Variants in LUZP2 observed in about 807,000 individuals in gnomAD.
The protein encoded by LUZP2 is leucine zipper protein 2.
In LUZP2, 52 loss-of-function variants were observed where a neutral mutation model predicts 51.6. The observed-to-expected ratio is 1.01, with a 90% CI of 0.81 to 1.27. The LOEUF is 1.27. LUZP2 is among the 50% of genes most tolerant of loss of function. The probability of loss-of-function intolerance (pLI) is 0.00; values close to 1 mark genes in which losing one functional copy is unlikely to be tolerated. For missense variants in LUZP2, 436 were observed against 395.4 expected (o/e 1.10, Z -0.87); for synonymous variants, 154 against 137.3 (o/e 1.12, Z -0.85).
At chr11:24,796,497 G>GTT (rs1273428776) in intron 5 of LUZP2, among the ~76,000 whole-genome samples, 3 of 105,204 alleles carry the variant, frequency 2.9e-5, no homozygotes, top group Non-Finnish European at 5.1e-5. Context: ...TAATCTGTGT[G>GTT]TGTGTGTGTG....
chr11:24,821,299 C>A (rs1324955141), intron 5 of LUZP2, among the ~76,000 whole-genome samples: 3 of 152,082 alleles, frequency 2.0e-5, no homozygotes, highest in Non-Finnish European at 4.4e-5. Context: ...GTGCCTAGAA[C>A]ACAGTGCATA....
intron 9 of LUZP2, among the ~76,000 whole-genome samples, chr11:24,997,658 C>T (rs1441974959): frequency 1.3e-5 from 2 of 151,826 alleles, no homozygotes; most frequent in Non-Finnish European, 2.9e-5. Context: ...CTTTTGTTGC[C>T]ATTGCTTTTG....
At chr11:24,842,474 A>T (rs568001597) in intron 5 of LUZP2, among the ~76,000 whole-genome samples, 2 of 151,982 alleles carry the variant, frequency 1.3e-5, no homozygotes, top group East Asian at 3.9e-4. Context: ...TTAGCAATGT[A>T]CACTATATTA....
chr11:24,732,314 A>G, intron 3 of LUZP2, 126 bp downstream of exon 3: 1 of 663,548 alleles, frequency 1.5e-6, no homozygotes, highest in Non-Finnish European at 2.5e-6. Context: ...TTAAATATGC[A>G]TGCAATTCAC....
At chr11:24,949,343 T>C (rs1855008738) in intron 7 of LUZP2, among the ~76,000 whole-genome samples, 1 of 147,152 alleles carries the variant, frequency 6.8e-6, no homozygotes, top group African/African-American at 2.5e-5. Context: ...TCTCTATCTA[T>C]CTATGATCTA....
chr11:24,514,209 G>T (rs983896465), intron 1 of LUZP2, among the ~76,000 whole-genome samples: 1 of 152,112 alleles, frequency 6.6e-6, no homozygotes, highest in South Asian at 2.1e-4. Flanking sequence ...TAACTAGTTG[G>T]TTGTGTGTGT....
chr11:24,710,739 T>C (rs553990209), intron 1 of LUZP2, among the ~76,000 whole-genome samples: 5 of 151,306 alleles, frequency 3.3e-5, no homozygotes, highest in Non-Finnish European at 7.4e-5. Flanking sequence ...TTAATACATG[T>C]CTTCAGTGTA....
At chr11:25,046,457 A>G (rs937660687) in intron 9 of LUZP2, among the ~76,000 whole-genome samples, 2 of 152,138 alleles carry the variant, frequency 1.3e-5, no homozygotes, top group Non-Finnish European at 2.9e-5. Context: ...AAACATGTCC[A>G]CTACCCTTGC....
At position 24,997,036 on chromosome 11, in the gene LUZP2, G is replaced by A. The variant is rs1030647469; in HGVS notation, c.765+13743G>A. ...TCTATCATTGTTGGACATTTGGGTT[G>A]GTTCCAAGTCTTTGCTATTGTGAAT... On this transcript the variant is annotated intron_variant, in intron 9 of 11. Transcript: ENST00000336930. Among the ~76,000 whole-genome samples, 3 of 149,258 alleles carry A rather than the reference G, an allele frequency of 2.0e-5. No individual in the cohort carries two copies. The Admixed American group carries it at 2.0e-4, about 10-fold the overall frequency.
At chr11:24,690,386 A>T (rs897508570) in intron 1 of LUZP2, among the ~76,000 whole-genome samples, 26 of 152,128 alleles carry the variant, frequency 1.7e-4, no homozygotes, top group African/African-American at 6.3e-4. Flanking sequence ...ACAAAAGCTC[A>T]TAGAAGGTGA....
intron 1 of LUZP2, among the ~76,000 whole-genome samples, chr11:24,601,399 A>T (rs1273426414): frequency 6.6e-6 from 1 of 151,952 alleles, no homozygotes; most frequent in Non-Finnish European, 1.5e-5. Context: ...GGAGTTAACA[A>T]TTTTTTTAGG....
chr11:24,724,652 A>G (rs1858406242), intron 1 of LUZP2, among the ~76,000 whole-genome samples: 1 of 152,218 alleles, frequency 6.6e-6, no homozygotes, highest in Non-Finnish European at 1.5e-5. Flanking sequence ...TCTATTCGAC[A>G]TTGTTTTGAA....
intron 1 of LUZP2, among the ~76,000 whole-genome samples, chr11:24,634,923 G>A (rs1855029444): frequency 6.6e-6 from 1 of 152,124 alleles, no homozygotes; most frequent in African/African-American, 2.4e-5. Flanking sequence ...CTGGAGATGA[G>A]ATGAACACAC....
At chr11:24,580,602 C>T (rs998126987) in intron 1 of LUZP2, among the ~76,000 whole-genome samples, 38 of 147,914 alleles carry the variant, frequency 2.6e-4, no homozygotes, top group African/African-American at 9.4e-4. Flanking sequence ...TTTCACAAAA[C>T]AAAAAAAAAA....
intron 5 of LUZP2, among the ~76,000 whole-genome samples, chr11:24,869,915 G>A (rs1232986265): frequency 6.6e-6 from 1 of 152,116 alleles, no homozygotes; most frequent in Non-Finnish European, 1.5e-5. Context: ...GCTGAGATAG[G>A]CTAAGAGCTA....
chr11:25,067,928 A>G (rs1028886756), intron 10 of LUZP2, among the ~76,000 whole-genome samples: 1 of 152,128 alleles, frequency 6.6e-6, no homozygotes, highest in Non-Finnish European at 1.5e-5. Flanking sequence ...ATGCCCATCA[A>G]TGATAGACTG....
intron 5 of LUZP2, among the ~76,000 whole-genome samples, chr11:24,797,506 G>A (rs1849579122): frequency 6.6e-6 from 1 of 152,082 alleles, no homozygotes; most frequent in Admixed American, 6.6e-5. Context: ...TGTAACTCAA[G>A]GACTTTAAAA....
chr11:24,720,218 G>T (rs1269933915), intron 1 of LUZP2, among the ~76,000 whole-genome samples: 3 of 150,680 alleles, frequency 2.0e-5, no homozygotes, highest in East Asian at 3.9e-4. Flanking sequence ...AAGGTTACCA[G>T]TCTCACACAA....
At chr11:24,870,928 A>T (rs1299617573) in intron 5 of LUZP2, among the ~76,000 whole-genome samples, 5 of 152,062 alleles carry the variant, frequency 3.3e-5, no homozygotes, top group South Asian at 2.1e-4. Flanking sequence ...ATTTCTATAT[A>T]TTCAGTTAAC....
Sources: allele counts gnomAD v4.1 joint callset (sites outside exome capture counted in the v4.1 genomes callset), GRCh38; gene constraint gnomAD v4.1.1; transcripts MANE v1.5; gene names NCBI Gene and HGNC (gene_info 2026-07-23, HGNC 2026-07-21).